ACTN1: variants seen among roughly 807,000 people sequenced by gnomAD.
The protein encoded by ACTN1 is actinin alpha 1.
ACTN1 carries 30 observed loss-of-function variants against 119.6 expected under a neutral mutation model. That is an observed-to-expected ratio of 0.25 (90% CI 0.19 to 0.34). The LOEUF (loss-of-function observed/expected upper bound fraction) is 0.34, where lower values mean the gene tolerates loss of function less well. Among genes scored for constraint, ACTN1 ranks in the 10% least tolerant of loss-of-function variants. The pLI is 1.00. For synonymous variants in ACTN1, 429 were observed against 472.6 expected, an observed-to-expected ratio of 0.91 and a Z score of 1.20; for missense variants, 764 against 1,223.4, an observed-to-expected ratio of 0.62 and a Z score of 5.60.
At chr14:68,978,075 G>T (rs1336392912) in intron 1 of ACTN1, 1 of 455,214 alleles carries the variant, frequency 2.2e-6, no homozygotes, top group Non-Finnish European at 4.4e-6. Flanking sequence ...CCCAGCTCCC[G>T]TGGCGGGGCG....
chr14:68,926,333 A>G (rs2034924063), intron 1 of ACTN1, among the ~76,000 whole-genome samples: 1 of 152,236 alleles, frequency 6.6e-6, no homozygotes, highest in Non-Finnish European at 1.5e-5. Flanking sequence ...CATCAGCTTC[A>G]TAGTTACTTC....
At chr14:68,946,562 A>C (rs1301375185) in intron 1 of ACTN1, among the ~76,000 whole-genome samples, 1 of 152,166 alleles carries the variant, frequency 6.6e-6, no homozygotes, top group African/African-American at 2.4e-5. Context: ...CCTGAGGAGG[A>C]GTCCCAGCCC....
At chr14:68,906,070 C>T (rs10144741) in intron 6 of ACTN1, among the ~76,000 whole-genome samples, 2,095 of 150,372 alleles carry the variant, frequency 0.014, 52 homozygotes, top group African/African-American at 0.049. Context: ...AGCCAGAGGC[C>T]GGGGGGGCAG....
intron 11 of ACTN1, chr14:68,887,345 A>G (rs113318356): frequency 0.087 from 32,374 of 371,660 alleles, 1,659 homozygotes; most frequent in African/African-American, 0.15. Flanking sequence ...GAGAGCCATG[A>G]TCAAAGAGTG....
At position 68,946,100 on chromosome 14, in the gene ACTN1, G is replaced by T. The variant is rs538739262; in HGVS notation, c.106-20428C>A. On this transcript the variant is annotated intron_variant, in intron 1 of 21. Transcript: ENST00000394419. ...GGCTCAGTCAGCGTGACTCTCCCCAGGGCCTGGCAGCAGGTCACCGTGCCC... is the reference window on the plus strand; with the variant it reads ...GGCTCAGTCAGCGTGACTCTCCCCATGGCCTGGCAGCAGGTCACCGTGCCC... 6.0e-4 allele frequency among the ~76,000 whole-genome samples: 91 copies of T among 152,182 alleles called. No individual in the cohort carries two copies. The South Asian group carries it at 7.7e-3, about 13-fold the overall frequency.
intron 1 of ACTN1, among the ~76,000 whole-genome samples, chr14:68,929,230 G>T (rs1487106947): frequency 6.6e-6 from 1 of 152,136 alleles, no homozygotes; most frequent in East Asian, 1.9e-4. Flanking sequence ...CTCCAGCCTG[G>T]GGCAGCCTTG....
intron 16 of ACTN1, among the ~76,000 whole-genome samples, chr14:68,881,933 CTTCTT>C (rs2031550406): frequency 1.4e-5 from 1 of 70,928 alleles, no homozygotes; most frequent in Admixed American, 1.5e-4. Context: ...TCATAGGCAG[CTTCTT>C]TTTTTTTTTT....
intron 3 of ACTN1, among the ~76,000 whole-genome samples, chr14:68,920,387 T>C (rs183707831): frequency 1.3e-5 from 2 of 152,276 alleles, no homozygotes; most frequent in East Asian, 3.9e-4. Context: ...GATAGAACAT[T>C]TTCTGCCCAC....
chr14:68,877,886 C>A, intron 20 of ACTN1: 1 of 157,034 alleles, frequency 6.4e-6, no homozygotes. Context: ...CCCAGGTTCA[C>A]TGCTCCTAGC....
intron 1 of ACTN1, among the ~76,000 whole-genome samples, chr14:68,968,207 T>C (rs773669763): frequency 2.6e-5 from 4 of 152,166 alleles, no homozygotes; most frequent in Non-Finnish European, 4.4e-5. Flanking sequence ...CCCTCCCTCA[T>C]CAAACATCAG....
intron 1 of ACTN1, among the ~76,000 whole-genome samples, chr14:68,960,171 G>A (rs2036480081): frequency 6.6e-6 from 1 of 152,100 alleles, no homozygotes; most frequent in Non-Finnish European, 1.5e-5. Context: ...GGGTGGCAGA[G>A]GCAGAAGAGG....
At chr14:68,911,424 G>A (rs887108297) in intron 4 of ACTN1, among the ~76,000 whole-genome samples, 2 of 152,130 alleles carry the variant, frequency 1.3e-5, no homozygotes, top group South Asian at 2.1e-4. Flanking sequence ...CCCATAAACC[G>A]AACTTGGAAC....
Position 68,874,596 on chromosome 14 carries a change from T to C in ACTN1, c.*263A>G. On this transcript the variant is annotated 3_prime_UTR_variant, in exon 22 of 22. Transcript: ENST00000394419. Reference sequence around the variant, plus strand: ...AAATAGTTAATCTTTCCTCTTTTTTTCCATTTGTCTGGTGGAGAAAAAATA... The same window carrying C: ...AAATAGTTAATCTTTCCTCTTTTTTCCCATTTGTCTGGTGGAGAAAAAATA... 3.0e-6 allele frequency: 1 copy of C among 334,900 alleles called. No homozygotes were observed. The highest frequency in any genetic ancestry group is 5.3e-6 in the Non-Finnish European group (1 of 186,956). 20.7% of individuals were successfully genotyped at this position (334,900 alleles called of 1,614,324 possible). A position where few individuals can be genotyped will look rare whatever the true frequency, so the allele number is the denominator to read the frequency against.
At chr14:68,934,140 T>A (rs1433051217) in intron 1 of ACTN1, among the ~76,000 whole-genome samples, 1 of 152,184 alleles carries the variant, frequency 6.6e-6, no homozygotes, top group Non-Finnish European at 1.5e-5. Context: ...TGGGAAAACA[T>A]GAAAGCTTTC....
At chr14:68,919,692 T>C (rs893868141) in intron 3 of ACTN1, among the ~76,000 whole-genome samples, 3 of 152,222 alleles carry the variant, frequency 2.0e-5, no homozygotes, top group Non-Finnish European at 4.4e-5. Context: ...CCTTGGGCAC[T>C]GGCCTGAATT....
At chr14:68,891,823 C>A (rs925360307) in intron 10 of ACTN1, among the ~76,000 whole-genome samples, 1 of 152,082 alleles carries the variant, frequency 6.6e-6, no homozygotes, top group African/African-American at 2.4e-5. Flanking sequence ...TCTGGAAGGG[C>A]AAGCCTGACC....
chr14:68,936,991 C>T, intron 1 of ACTN1: 2 of 352,206 alleles, frequency 5.7e-6, no homozygotes, highest in Non-Finnish European at 1.1e-5. Flanking sequence ...ACTCCAGGGT[C>T]TTTTGAGAGT....
chr14:68,949,004 C>A (rs1022421053), intron 1 of ACTN1, among the ~76,000 whole-genome samples: 2 of 152,168 alleles, frequency 1.3e-5, no homozygotes, highest in Non-Finnish European at 2.9e-5. Flanking sequence ...TGCTCTGGGG[C>A]CCAACTTGGT....
chr14:68,921,317 T>C, intron 2 of ACTN1, 192 bp from the exon 3 acceptor site: 1 of 586,176 alleles, frequency 1.7e-6, no homozygotes, highest in Non-Finnish European at 2.7e-6. Context: ...AGAGGGAGAA[T>C]CTACCCTGCC....
Sources: allele counts gnomAD v4.1 joint callset (sites outside exome capture counted in the v4.1 genomes callset), GRCh38; gene constraint gnomAD v4.1.1; transcripts MANE v1.5; gene names NCBI Gene and HGNC (gene_info 2026-07-23, HGNC 2026-07-21).